BNC2: variants seen among roughly 807,000 people sequenced by gnomAD.
The protein encoded by BNC2 is basonuclin zinc finger protein 2.
In BNC2, 20 loss-of-function variants were observed where a neutral mutation model predicts 76.3. The ratio of observed to expected loss-of-function variants is 0.26; its 90% CI spans 0.18 to 0.38. The LOEUF is 0.38. Ranked by LOEUF, BNC2 falls within the 10% of genes least tolerant of loss-of-function variation. The pLI is 1.00. For missense variants in BNC2, 1,382 were observed against 1,399.8 expected (o/e 0.99, Z 0.20); for synonymous variants, 582 against 514.8 (o/e 1.13, Z -1.77).
intron 3 of BNC2, among the ~76,000 whole-genome samples, chr9:16,664,194 G>C (rs1044906379): frequency 6.6e-6 from 1 of 152,152 alleles, no homozygotes; most frequent in African/African-American, 2.4e-5. Flanking sequence ...CACTGAATTT[G>C]ATAGGGAATG....
chr9:16,711,035 G>T (rs1290279212), intron 3 of BNC2, among the ~76,000 whole-genome samples: 1 of 151,932 alleles, frequency 6.6e-6, no homozygotes, highest in African/African-American at 2.4e-5. Flanking sequence ...GCTGTCCCTC[G>T]CTCCCTCTAA....
At chr9:16,646,501 C>T (rs776104626) in intron 3 of BNC2, among the ~76,000 whole-genome samples, 6 of 152,080 alleles carry the variant, frequency 3.9e-5, no homozygotes, top group Non-Finnish European at 5.9e-5. Flanking sequence ...CAACATAGTA[C>T]ATACTGTATG....
chr9:16,614,072 T>C (rs60990701), intron 3 of BNC2, among the ~76,000 whole-genome samples: 8,021 of 152,286 alleles, frequency 0.053, 746 homozygotes, highest in African/African-American at 0.18. Flanking sequence ...AATTACAGCA[T>C]GTCCTATATA....
At chr9:16,513,299 CT>C (rs1202222924) in intron 5 of BNC2, among the ~76,000 whole-genome samples, 2,362 of 85,494 alleles carry the variant, frequency 0.028, 10 homozygotes, top group African/African-American at 0.082. Flanking sequence ...AGAAAAGGTT[CT>C]TTTTTTTTTT....
chr9:16,558,009 A>G (rs1563838661), intron 4 of BNC2, among the ~76,000 whole-genome samples: 1 of 151,892 alleles, frequency 6.6e-6, no homozygotes, highest in Non-Finnish European at 1.5e-5. Flanking sequence ...ATACCCAGCT[A>G]ATTTTTCTGT....
chr9:16,667,643 T>C (rs939458958), intron 3 of BNC2, among the ~76,000 whole-genome samples: 1 of 152,204 alleles, frequency 6.6e-6, no homozygotes, highest in Non-Finnish European at 1.5e-5. Flanking sequence ...CATAAATTAT[T>C]TAGATATAAT....
chr9:16,843,533 C>T (rs920754345), intron 1 of BNC2, among the ~76,000 whole-genome samples: 1 of 152,208 alleles, frequency 6.6e-6, no homozygotes, highest in Admixed American at 6.5e-5. Context: ...AGGGTTTTGC[C>T]ATGTTGGCCA....
intron 4 of BNC2, among the ~76,000 whole-genome samples, chr9:16,582,567 G>A (rs564308138): frequency 4.6e-5 from 7 of 152,214 alleles, no homozygotes; most frequent in Middle Eastern, 3.4e-3. Flanking sequence ...GCTCAGCCCC[G>A]AGCACATACG....
At chr9:16,833,031 C>A (rs1316758467) in intron 1 of BNC2, among the ~76,000 whole-genome samples, 1 of 151,822 alleles carries the variant, frequency 6.6e-6, no homozygotes, top group Non-Finnish European at 1.5e-5. Flanking sequence ...ACCCAAATTC[C>A]TTCTTATTAC....
intron 3 of BNC2, among the ~76,000 whole-genome samples, chr9:16,646,255 T>C (rs1003886831): frequency 2.0e-5 from 3 of 152,162 alleles, no homozygotes; most frequent in African/African-American, 7.2e-5. Context: ...CCAGCACCCT[T>C]GGGCAGGGAA....
intron 5 of BNC2, among the ~76,000 whole-genome samples, chr9:16,496,797 G>A (rs1268939880): frequency 6.6e-6 from 1 of 152,164 alleles, no homozygotes; most frequent in Admixed American, 6.5e-5. Context: ...AGGCTATGGT[G>A]AGAAAACCTT....
At chr9:16,766,258 C>T (rs1825690445) in intron 1 of BNC2, among the ~76,000 whole-genome samples, 1 of 152,158 alleles carries the variant, frequency 6.6e-6, no homozygotes, top group Non-Finnish European at 1.5e-5. Flanking sequence ...ATCTCTGCAA[C>T]CATCCATCAC....
chr9:16,648,352 C>T (rs1476770716), intron 3 of BNC2, among the ~76,000 whole-genome samples: 1 of 152,286 alleles, frequency 6.6e-6, no homozygotes, highest in South Asian at 2.1e-4. Flanking sequence ...ATCAGGACAC[C>T]AAGCTCTGAG....
At chr9:16,827,630 G>A (rs1818484970) in intron 1 of BNC2, among the ~76,000 whole-genome samples, 1 of 152,096 alleles carries the variant, frequency 6.6e-6, no homozygotes, top group Non-Finnish European at 1.5e-5. Context: ...CTAAAAATGG[G>A]GTGCGTGCAA....
At position 16,671,199 on chromosome 9, in the gene BNC2, T is replaced by C. The variant is rs578239882; in HGVS notation, c.330+56598A>G. ...ACTCTAGGATCCTCCCTAAACAAAA[T>C]GCCTTCATGCAAGTCACTCTCTCAA... On this transcript the variant is annotated intron_variant, in intron 3 of 6. Transcript: ENST00000380672. Among the ~76,000 whole-genome samples, 9 of 152,268 alleles carry C rather than the reference T, an allele frequency of 5.9e-5. 1 individual carries two copies. In the South Asian group the frequency reaches 1.9e-3, roughly 32 times the overall value.
intron 5 of BNC2, among the ~76,000 whole-genome samples, chr9:16,457,460 T>C (rs780871149): frequency 1.1e-3 from 167 of 152,238 alleles, no homozygotes; most frequent in Non-Finnish European, 1.7e-3. Context: ...CAGGGCAACA[T>C]GCATGGAGCA....
intron 5 of BNC2, among the ~76,000 whole-genome samples, chr9:16,523,409 T>C (rs891849099): frequency 2.7e-5 from 4 of 149,064 alleles, no homozygotes; most frequent in African/African-American, 9.9e-5. Flanking sequence ...AGGCGGAGCT[T>C]GCAGTGAGCC....
At chr9:16,521,179 G>A (rs1817607336) in intron 5 of BNC2, among the ~76,000 whole-genome samples, 1 of 152,168 alleles carries the variant, frequency 6.6e-6, no homozygotes, top group African/African-American at 2.4e-5. Flanking sequence ...CTCAAGATAT[G>A]ACAGATGTGG....
intron 4 of BNC2, among the ~76,000 whole-genome samples, chr9:16,573,087 G>A (rs997281985): frequency 6.6e-6 from 1 of 151,948 alleles, no homozygotes; most frequent in Admixed American, 6.6e-5. Flanking sequence ...AATTAGCTGG[G>A]CGTGGTAGCG....
Sources: gnomAD v4.1 joint callset for allele counts (sites outside exome capture counted in the v4.1 genomes callset) on GRCh38, gnomAD v4.1.1 for gene constraint, MANE v1.5 for transcripts, NCBI Gene and HGNC (gene_info 2026-07-23, HGNC 2026-07-21) for gene names.